Variants in MBD6 observed in about 807,000 individuals in gnomAD.
MBD6 encodes the protein methyl-CpG binding domain protein 6.
Under a neutral mutation model 66.8 loss-of-function variants are expected in MBD6, and 22 were observed. The observed-to-expected ratio is 0.33, with a 90% CI of 0.24 to 0.47. MBD6 has a LOEUF of 0.47. Ranked by LOEUF, MBD6 falls within the 20% of genes least tolerant of loss-of-function variation. The pLI, the probability that MBD6 is intolerant of heterozygous loss-of-function variation, is 1.00. For synonymous variants in MBD6, 540 were observed against 534.6 expected (o/e 1.01, Z -0.14); for missense variants, 1,322 against 1,286.9 (o/e 1.03, Z -0.42).
At chr12:57,529,063 G>C (rs190560929) in intron 12 of MBD6, 54 bp downstream of exon 12, 1 of 1,613,388 alleles carries the variant, frequency 6.2e-7, no homozygotes. Flanking sequence ...GGGATGAGGC[G>C]GCAGGAGGAA....
downstream of MBD6, chr12:57,530,220 T>C (rs1879517700): frequency 6.5e-6 from 1 of 153,372 alleles, no homozygotes; most frequent in African/African-American, 2.4e-5. Context: ...CCATCTCTTG[T>C]AGTATAGAGT....
Position 57,525,486 on chromosome 12 carries a change from A to G in MBD6, c.518A>G (p.Gln173Arg). ...SLPPEPPSVS[Q>R]AFPTLAGPGG... is the part of the protein sequence containing the mutation. ...CCCCCAGAACCACCCTCAGTTTCCCAGGCCTTTCCCACTCTAGCAGGCCCT... is the reference window on the plus strand; with the variant it reads ...CCCCCAGAACCACCCTCAGTTTCCCGGGCCTTTCCCACTCTAGCAGGCCCT... The change falls in exon 6 of 13, where the codon CAG becomes CGG. Residue 173 changes from glutamine to arginine, a missense_variant. Gln to Arg is a conservative substitution (Grantham distance 43). Coordinates refer to ENST00000355673, the MANE Select transcript of MBD6 (RefSeq NM_052897.4). 1.3e-6 allele frequency: 2 copies of G among 1,541,780 alleles called. No individual in the cohort carries two copies. The highest frequency in any genetic ancestry group is 2.5e-5 in the South Asian group (2 of 78,594).
Position 57,527,574 on chromosome 12 carries a change from C to G in MBD6, c.2150C>G (p.Pro717Arg). 6.2e-7 allele frequency: 1 copy of G among 1,614,050 alleles called. No homozygotes were observed. The highest frequency in any genetic ancestry group is 8.5e-7 in the Non-Finnish European group (1 of 1,180,002). Residue 717 changes from proline (P) to arginine (R), a missense_variant, in exon 8 of 13, where the codon CCG (proline) becomes CGG (arginine). By Grantham distance (103) the Pro-to-Arg change is moderately radical. Transcript: ENST00000355673. ...AGTGTCACCACGGCAACTACTGACC[C>G]GGGGGCCTCCTCTCTGGGCAAGGCC... ...TSSVTTATTD[P>R]GASSLGKAPS...
chr12:57,526,592 A>G lies in MBD6; in HGVS notation c.1447A>G (p.Lys483Glu), dbSNP rs1294195824. ...TGCCCCTGCCCCACCAGCTGCCTCC[A>G]AAGCCCCAGTAGTCCCCAGCCCTGT... is the stretch of plus-strand genomic sequence containing the variant. ...PGAPAPPAAS[K>E]APVVPSPVLQ... The change falls in exon 7 of 13, where the codon AAA (lysine) becomes GAA (glutamate). Residue 483 changes from lysine (K) to glutamate (E), a missense_variant. Transcript: ENST00000355673. 6.6e-7 allele frequency: 1 copy of G among 1,511,406 alleles called. No homozygotes were observed. Among genetic ancestry groups the G allele is most frequent in the African/African-American group, 1.4e-5 (1 of 71,626 alleles). 93.6% of individuals were successfully genotyped at this position (1,511,406 alleles called of 1,614,324 possible).
chr12:57,524,477 C>A, intron 3 of MBD6, 61 bp downstream of exon 3: 1 of 1,400,576 alleles, frequency 7.1e-7, no homozygotes, highest in Non-Finnish European at 9.8e-7. Flanking sequence ...TTCTTTCTTC[C>A]GTTTCTTCTC....
upstream of MBD6, chr12:57,521,961 T>C (rs1452305648): frequency 2.6e-5 from 4 of 152,048 alleles, no homozygotes; most frequent in Non-Finnish European, 5.9e-5. Flanking sequence ...AGATAAAAGT[T>C]GTGAAGGTAA....
upstream of MBD6, chr12:57,522,767 G>GGCGGCA (rs1296256589): frequency 1.3e-5 from 2 of 158,468 alleles, no homozygotes; most frequent in African/African-American, 4.9e-5. Context: ...CGACGGCGGC[G>GGCGGCA]GCGGCAGCGG....
Position 57,529,547 on chromosome 12 carries a change from A to C in MBD6, c.*313A>C, listed in dbSNP as rs759927114. Reference sequence around the variant, plus strand: ...CCTTCCCCAGGTCTTTTATTTGTTTAAGTTATTTTTGCACAAATGACTCTT... The same window carrying C: ...CCTTCCCCAGGTCTTTTATTTGTTTCAGTTATTTTTGCACAAATGACTCTT... On this transcript the variant is annotated 3_prime_UTR_variant, in exon 13 of 13. Coordinates refer to ENST00000355673, the MANE Select transcript of MBD6 (RefSeq NM_052897.4). 2 of 275,270 alleles carry C rather than the reference A, an allele frequency of 7.3e-6. No individual in the cohort carries two copies. Among genetic ancestry groups the C allele is most frequent in the Non-Finnish European group, 1.4e-5 (2 of 144,182 alleles). The allele number at this position is 275,270 out of a possible 1,614,324, so 17.1% of individuals were successfully genotyped here.
downstream of MBD6, chr12:57,530,779 C>A (rs1364382259): frequency 5.0e-6 from 8 of 1,612,680 alleles, no homozygotes; most frequent in Middle Eastern, 1.7e-4. Context: ...TCTGCACCTA[C>A]AAAGTGGTAG....
Position 57,526,165 on chromosome 12 carries a change from T to C in MBD6, c.1197T>C (p.Phe399=). 6.2e-7 allele frequency: 1 copy of C among 1,614,056 alleles called. No individual in the cohort carries two copies. Among genetic ancestry groups the C allele is most frequent in the Non-Finnish European group, 8.5e-7 (1 of 1,179,978 alleles). The part of the protein sequence containing the change: ...PRAPAPVPQP[F]SLPEPSQPIL... ...CCCCTGCTCCTGTCCCCCAACCCTT[T>C]TCTCTCCCGGAGCCATCCCAACCAA... The change falls in exon 6 of 13, where the codon TTT becomes TTC. Residue 399 remains phenylalanine, a synonymous_variant. Coordinates refer to ENST00000355673, the MANE Select transcript of MBD6 (RefSeq NM_052897.4).
chr12:57,525,425 CCTA>C lies in MBD6; in HGVS notation c.459_461del (p.Thr155del). On this transcript the variant is annotated inframe_deletion, in exon 6 of 13. Coordinates refer to ENST00000355673, the MANE Select transcript of MBD6 (RefSeq NM_052897.4). ...TGCCCGCCCTCCCTGTCGAGTTCCT[CCTA>C]CAACTCCACTTAATGGGGGTCCTGG... The C allele has an allele frequency of 6.5e-7, 1 of 1,540,180 alleles. No individual in the cohort carries two copies. The highest frequency in any genetic ancestry group is 1.4e-5 in the African/African-American group (1 of 72,076).
At chr12:57,530,575 A>G (rs897426093), downstream of MBD6, 1 of 893,792 alleles carries the variant, frequency 1.1e-6, no homozygotes, top group Non-Finnish European at 1.8e-6. Flanking sequence ...CCTTGCCCCC[A>G]GTGTCAAATG....
At position 57,525,455 on chromosome 12, in the gene MBD6, T is replaced by C. The variant is rs878918885; in HGVS notation, c.487T>C (p.Ser163Pro). ...AACTCCACTTAATGGGGGTCCTGGC[T>C]CCCTTCCCCCAGAACCACCCTCAGT... ...PTTPLNGGPG[S>P]LPPEPPSVSQ... The change falls in exon 6 of 13, where the codon TCC (serine) becomes CCC (proline). Residue 163 changes from serine (S) to proline (P), a missense_variant. Transcript: ENST00000355673. 6.5e-7 allele frequency: 1 copy of C among 1,536,228 alleles called. No individual in the cohort carries two copies. The highest frequency in any genetic ancestry group is 8.7e-7 in the Non-Finnish European group (1 of 1,146,178).
chr12:57,525,674 A>G lies in MBD6; in HGVS notation c.706A>G (p.Ser236Gly), dbSNP rs776206299. The change falls in exon 6 of 13, where the codon AGC (serine) becomes GGC (glycine). Residue 236 changes from serine (S) to glycine (G), a missense_variant. Physicochemically the swap from Ser to Gly is moderately conservative, Grantham distance 56. Coordinates refer to ENST00000355673, the MANE Select transcript of MBD6 (RefSeq NM_052897.4). ...CAACTGGGGAGCTGCCCTCAGATCC[A>G]GCCTGGTGCCCTCTGACCTGGGCTC... is the stretch of plus-strand genomic sequence containing the variant. The part of the protein sequence containing the change: ...SYNWGAALRS[S>G]LVPSDLGSPP... 3.1e-6 allele frequency: 5 copies of G among 1,613,828 alleles called. No individual in the cohort carries two copies. The highest frequency in any genetic ancestry group is 4.2e-6 in the Non-Finnish European group (5 of 1,179,910).
At position 57,524,024 on chromosome 12, in the gene MBD6, T is replaced by C; in HGVS notation, c.-88-5T>C. 1 of 277,744 alleles carries C rather than the reference T, an allele frequency of 3.6e-6. No individual in the cohort carries two copies. The highest frequency in any genetic ancestry group is 6.8e-6 in the Non-Finnish European group (1 of 147,494). 17.2% of individuals were successfully genotyped at this position (277,744 alleles called of 1,614,324 possible). A position where few individuals can be genotyped will look rare whatever the true frequency, so the allele number is the denominator to read the frequency against. ...GACAGTCCCATCTCTCTACTTGCGT[T>C]GCAGGTGTGGGCTAAGCTGGTGGCC... On this transcript the variant is annotated splice_polypyrimidine_tract_variant and splice_region_variant and intron_variant, in intron 1 of 12. Coordinates refer to ENST00000355673, the MANE Select transcript of MBD6 (RefSeq NM_052897.4).
chr12:57,524,697 C>T (rs768811928), intron 3 of MBD6, 23 bp from the exon 4 acceptor site: 42 of 1,610,050 alleles, frequency 2.6e-5, no homozygotes, highest in Admixed American at 1.0e-4. Flanking sequence ...AACCCCATGT[C>T]CTCTGACCCT....
Position 57,524,074 on chromosome 12 carries a change from T to G in MBD6, c.-43T>G. ...CCCGGCTTTAGACTGGACCCCACAA[T>G]GTTTGCAGAGATGTTCAGGTAGCTG... On this transcript the variant is annotated 5_prime_UTR_variant, in exon 2 of 13. It removes an upstream start codon present in the reference 5' UTR. Transcript: ENST00000355673. 2 of 371,098 alleles carry G rather than the reference T, an allele frequency of 5.4e-6. No individual in the cohort carries two copies. The highest frequency in any genetic ancestry group is 4.2e-5 in the East Asian group (1 of 23,902). The allele number at this position is 371,098 out of a possible 1,614,324, so 23.0% of individuals were successfully genotyped here.
Position 57,528,053 on chromosome 12 carries a change from T to C in MBD6, c.2406+36T>C, listed in dbSNP as rs1270535284. The C allele has an allele frequency of 3.3e-6, 5 of 1,528,450 alleles. No homozygotes were observed. The African/African-American group carries it at 7.0e-5, about 21-fold the overall frequency. The allele number at this position is 1,528,450 out of a possible 1,614,324, so 94.7% of individuals were successfully genotyped here. On this transcript the variant is annotated intron_variant, in intron 9 of 12. Coordinates refer to ENST00000355673, the MANE Select transcript of MBD6 (RefSeq NM_052897.4). ...GGGCATATATTTGTCAGGGAGATAA[T>C]TTTTTCTCAAACTGGAAATTTAGGG...
chr12:57,527,646 G>A lies in MBD6; in HGVS notation c.2222G>A (p.Gly741Asp), dbSNP rs755586935. The A allele has an allele frequency of 6.3e-7, 1 of 1,599,790 alleles. No individual in the cohort carries two copies. Residue 741 changes from glycine to aspartate, a missense_variant, in exon 8 of 13, where the codon GGT becomes GAT. Gly to Asp is a moderately conservative substitution (Grantham distance 94, BLOSUM62 -1). Coordinates refer to ENST00000355673, the MANE Select transcript of MBD6 (RefSeq NM_052897.4). The part of the protein sequence containing the change: ...RPPQLLSPLL[G>D]ASLLGDLSSL... ...CCCCAACTCCTTAGCCCTCTGCTGG[G>A]TGCCAGCCTGCTGGGTGAGTCTGAG...
Sources: allele counts gnomAD v4.1 joint callset, GRCh38; gene constraint gnomAD v4.1.1; transcripts MANE v1.5; gene names NCBI Gene and HGNC (gene_info 2026-07-23, HGNC 2026-07-21).